FOXP1: variants seen among roughly 807,000 people sequenced by gnomAD.
The protein encoded by FOXP1 is forkhead box protein P1.
A neutral mutation model predicts 98.2 loss-of-function variants in FOXP1; 15 were observed. That is an observed-to-expected ratio of 0.15 (90% CI 0.10 to 0.24). FOXP1 has a LOEUF of 0.24. Ranked by LOEUF, FOXP1 falls within the 10% of genes least tolerant of loss-of-function variation. The pLI is 1.00. For missense variants in FOXP1, 633 were observed against 848.5 expected (o/e 0.75, Z 3.15); for synonymous variants, 371 against 314.5 (o/e 1.18, Z -1.90).
intron 6 of FOXP1, among the ~76,000 whole-genome samples, chr3:71,191,682 G>C (rs907560049): frequency 2.6e-5 from 4 of 152,182 alleles, no homozygotes; most frequent in African/African-American, 9.6e-5. Context: ...TAACAGAGTA[G>C]AGAACTAAAT....
chr3:71,098,526 C>A (rs1191742301), intron 7 of FOXP1, among the ~76,000 whole-genome samples: 1 of 152,114 alleles, frequency 6.6e-6, no homozygotes, highest in Non-Finnish European at 1.5e-5. Context: ...TTTTTATGGT[C>A]TTGAAATGTT....
intron 2 of FOXP1, among the ~76,000 whole-genome samples, chr3:71,533,964 A>G (rs974704052): frequency 6.6e-6 from 1 of 152,110 alleles, no homozygotes; most frequent in African/African-American, 2.4e-5. Flanking sequence ...CAAAAAAGAG[A>G]AGGAGCATAA....
Position 71,002,967 on chromosome 3 carries a change from C to G in FOXP1, c.975-1908G>C, listed in dbSNP as rs997440457. Among the ~76,000 whole-genome samples, 17 of 152,174 alleles carry G rather than the reference C, an allele frequency of 1.1e-4. No homozygotes were observed. The East Asian group carries it at 1.9e-3, about 17-fold the overall frequency. ...AGACCACAGACCAGGACCCAGTGGA[C>G]TCCCTGAGTGTTGAGGGACTTTGGT... On this transcript the variant is annotated intron_variant, in intron 12 of 20. Transcript: ENST00000649528.
chr3:71,091,002 CAAGTAAT>C (rs1254764785), intron 7 of FOXP1, among the ~76,000 whole-genome samples: 2 of 151,820 alleles, frequency 1.3e-5, no homozygotes, highest in African/African-American at 4.8e-5. Flanking sequence ...TAGGATCTCA[CAAGTAAT>C]AACCCAAACC....
At chr3:71,331,488 C>T (rs561424945) in intron 4 of FOXP1, among the ~76,000 whole-genome samples, 39 of 152,332 alleles carry the variant, frequency 2.6e-4, no homozygotes, top group African/African-American at 8.2e-4. Flanking sequence ...TGCGGGCGCA[C>T]GGCGCGGGAC....
At chr3:70,980,466 CTG>C (rs1244349615) in intron 14 of FOXP1, among the ~76,000 whole-genome samples, 1 of 152,186 alleles carries the variant, frequency 6.6e-6, no homozygotes, top group Non-Finnish European at 1.5e-5. Flanking sequence ...CCACTAATAT[CTG>C]AGATGTTATT....
intron 5 of FOXP1, among the ~76,000 whole-genome samples, chr3:71,252,594 T>G (rs1181473353): frequency 2.0e-5 from 3 of 152,136 alleles, no homozygotes; most frequent in Non-Finnish European, 4.4e-5. Context: ...GCCCCCTGAG[T>G]GCCAACTTCA....
intron 2 of FOXP1, among the ~76,000 whole-genome samples, chr3:71,550,157 G>T (rs1483389499): frequency 1.3e-5 from 2 of 152,136 alleles, no homozygotes; most frequent in African/African-American, 4.8e-5. Flanking sequence ...CATTGGAGTT[G>T]GCGATGGTAC....
chr3:71,199,092 C>T (rs2063491690), intron 5 of FOXP1, among the ~76,000 whole-genome samples: 1 of 146,850 alleles, frequency 6.8e-6, no homozygotes, highest in African/African-American at 2.5e-5. Flanking sequence ...TGTGCAGGCA[C>T]TATTTGTTGG....
intron 4 of FOXP1, among the ~76,000 whole-genome samples, chr3:71,342,253 G>A (rs2077051158): frequency 6.6e-6 from 1 of 152,152 alleles, no homozygotes; most frequent in Admixed American, 6.6e-5. Flanking sequence ...GGGACTTATA[G>A]GAAACCATGT....
At chr3:71,304,559 A>G (rs1195982340) in intron 4 of FOXP1, 1 of 152,242 alleles carries the variant, frequency 6.6e-6, no homozygotes, top group Non-Finnish European at 1.5e-5. Flanking sequence ...TATTATCTCT[A>G]TCAATCAAAA....
chr3:71,548,209 G>T (rs2045511368), intron 2 of FOXP1, among the ~76,000 whole-genome samples: 1 of 152,138 alleles, frequency 6.6e-6, no homozygotes, highest in Non-Finnish European at 1.5e-5. Flanking sequence ...ATTAATGTGG[G>T]TGTTTTAAAA....
At chr3:71,208,567 T>TGTGTGTGTGTG (rs1553780554) in intron 5 of FOXP1, among the ~76,000 whole-genome samples, 1 of 151,964 alleles carries the variant, frequency 6.6e-6, no homozygotes. Flanking sequence ...TGTGTGTCTG[T>TGTGTGTGTGTG]TAAACAGACC....
chr3:71,448,612 T>C (rs796572534), intron 3 of FOXP1, among the ~76,000 whole-genome samples: 3 of 152,254 alleles, frequency 2.0e-5, no homozygotes, highest in African/African-American at 7.2e-5. Context: ...GTAATAATGG[T>C]ACCCGCAAAA....
chr3:71,436,744 A>C (rs1326575873), intron 3 of FOXP1, among the ~76,000 whole-genome samples: 3 of 152,132 alleles, frequency 2.0e-5, no homozygotes, highest in African/African-American at 7.2e-5. Context: ...AATACACCAA[A>C]ATACCTGGAA....
intron 3 of FOXP1, among the ~76,000 whole-genome samples, chr3:71,359,907 C>T (rs919183536): frequency 6.6e-6 from 1 of 152,082 alleles, no homozygotes; most frequent in Non-Finnish European, 1.5e-5. Context: ...ATTATCCTGC[C>T]GCAGCCTCCC....
intron 2 of FOXP1, among the ~76,000 whole-genome samples, chr3:71,574,843 G>A (rs905991858): frequency 1.3e-5 from 2 of 152,166 alleles, no homozygotes; most frequent in Non-Finnish European, 2.9e-5. Flanking sequence ...TTCCTATCAC[G>A]TTATTGAACT....
intron 1 of FOXP1, 144 bp downstream of exon 1, chr3:71,583,423 GTTGT>G (rs1451143932): frequency 3.2e-6 from 3 of 930,680 alleles, no homozygotes; most frequent in Middle Eastern, 5.5e-4. Flanking sequence ...GTGGAAAGTA[GTTGT>G]TTTTTTTTTT....
chr3:70,983,549 A>G (rs1225153951), intron 14 of FOXP1, among the ~76,000 whole-genome samples: 1 of 152,216 alleles, frequency 6.6e-6, no homozygotes, highest in Non-Finnish European at 1.5e-5. Flanking sequence ...ATCTAATACT[A>G]TATTTCATTA....
Sources: gnomAD v4.1 joint callset for allele counts (sites outside exome capture counted in the v4.1 genomes callset) on GRCh38, gnomAD v4.1.1 for gene constraint, MANE v1.5 for transcripts, NCBI Gene and HGNC (gene_info 2026-07-23, HGNC 2026-07-21) for gene names.